Variants in NCAM2 observed in about 807,000 individuals in gnomAD.
NCAM2 encodes the protein N-CAM-2.
A neutral mutation model predicts 98.1 loss-of-function variants in NCAM2; 30 were observed. The ratio of observed to expected loss-of-function variants is 0.31; its 90% CI spans 0.23 to 0.41. The LOEUF is 0.41. NCAM2 is among the 10% of genes least tolerant of loss of function. NCAM2 has a pLI of 1.00. For missense variants in NCAM2, 867 were observed against 1,005.8 expected, an observed-to-expected ratio of 0.86 and a Z score of 1.87; for synonymous variants, 368 against 342.4, an observed-to-expected ratio of 1.07 and a Z score of -0.83.
At chr21:21,119,709 A>G (rs71321780) in intron 1 of NCAM2, among the ~76,000 whole-genome samples, 13,640 of 152,188 alleles carry the variant, frequency 0.09, 724 homozygotes, top group Middle Eastern at 0.13. Context: ...TGATAATATT[A>G]TCTAGGAACA....
chr21:21,217,544 G>C (rs73316725), intron 1 of NCAM2, among the ~76,000 whole-genome samples: 4,998 of 152,220 alleles, frequency 0.033, 289 homozygotes, highest in African/African-American at 0.11. Flanking sequence ...GGAGAATTCT[G>C]AAAGTGGTTT....
chr21:21,466,370 T>A (rs1450418539), intron 12 of NCAM2, among the ~76,000 whole-genome samples: 1 of 151,980 alleles, frequency 6.6e-6, no homozygotes. Flanking sequence ...AACGGGTAAT[T>A]TTCTTTGAAA....
intron 1 of NCAM2, among the ~76,000 whole-genome samples, chr21:21,229,241 A>G (rs905841719): frequency 2.0e-5 from 3 of 151,576 alleles, no homozygotes; most frequent in African/African-American, 7.2e-5. Flanking sequence ...TCACTTTAAT[A>G]TCTTAATAAC....
intron 6 of NCAM2, among the ~76,000 whole-genome samples, chr21:21,327,874 C>G (rs193082574): frequency 4.9e-4 from 74 of 152,172 alleles, no homozygotes; most frequent in African/African-American, 1.7e-3. Flanking sequence ...AACATGTTCA[C>G]AAAGAGAATC....
At chr21:21,284,445 C>CT in intron 3 of NCAM2, 45 bp downstream of exon 3, 1 of 1,436,918 alleles carries the variant, frequency 7.0e-7, no homozygotes, top group Non-Finnish European at 9.7e-7. Context: ...ATTTCAGTTG[C>CT]TTATAAATAA....
intron 16 of NCAM2, among the ~76,000 whole-genome samples, chr21:21,533,569 A>G (rs1989824805): frequency 6.6e-6 from 1 of 151,852 alleles, no homozygotes; most frequent in East Asian, 1.9e-4. Flanking sequence ...ATTTTTGGCA[A>G]TTTATAAATA....
At chr21:21,450,004 G>C (rs1203570671) in intron 12 of NCAM2, among the ~76,000 whole-genome samples, 2 of 151,900 alleles carry the variant, frequency 1.3e-5, no homozygotes, top group Admixed American at 6.6e-5. Context: ...CTAATGTACT[G>C]TTTTGATTTT....
rs1000567310 is a variant in NCAM2, at chr21:21,280,768, G to A, written c.130+116G>A. The A allele has an allele frequency of 1.2e-5, 8 of 666,774 alleles. No homozygotes were observed. In the Admixed American group the frequency reaches 1.9e-4, roughly 16 times the overall value. 41.3% of individuals were successfully genotyped at this position (666,774 alleles called of 1,614,324 possible). A position where few individuals can be genotyped will look rare whatever the true frequency, so the allele number is the denominator to read the frequency against. ...AGTTCTCTAACAATAACATCTTACAGTTGGTTTTTTGTTTTTGTTTTTGTT... is the reference window on the plus strand; with the variant it reads ...AGTTCTCTAACAATAACATCTTACAATTGGTTTTTTGTTTTTGTTTTTGTT... On this transcript the variant is annotated intron_variant, in intron 2 of 17. Coordinates refer to ENST00000400546, the MANE Select transcript of NCAM2 (RefSeq NM_004540.5).
chr21:21,426,516 A>C (rs2077217180), intron 11 of NCAM2, among the ~76,000 whole-genome samples: 1 of 152,192 alleles, frequency 6.6e-6, no homozygotes, highest in African/African-American at 2.4e-5. Flanking sequence ...ACAGCCACCA[A>C]TATTCTACCT....
At position 21,022,749 on chromosome 21, in the gene NCAM2, T is replaced by C. The variant is rs141001721; in HGVS notation, c.55+24131T>C. Among the ~76,000 whole-genome samples, 11 of 152,292 alleles carry C rather than the reference T, an allele frequency of 7.2e-5. No individual in the cohort carries two copies. The East Asian group carries it at 2.1e-3, about 29-fold the overall frequency. On this transcript the variant is annotated intron_variant, in intron 1 of 17. Transcript: ENST00000400546. ...AATGAGTTTTTTTAATGTTTCACTT[T>C]GATGAAATGAATGTTAAAACTTTAT...
chr21:21,369,373 C>G (rs145177995), intron 8 of NCAM2, among the ~76,000 whole-genome samples: 121 of 151,776 alleles, frequency 8.0e-4, no homozygotes, highest in African/African-American at 2.7e-3. Context: ...AATCCATGCA[C>G]CAGTAAATAG....
chr21:21,436,975 A>G (rs1462288261), intron 12 of NCAM2, among the ~76,000 whole-genome samples: 1 of 151,418 alleles, frequency 6.6e-6, no homozygotes, highest in Non-Finnish European at 1.5e-5. Flanking sequence ...TGGTTTTGCC[A>G]TGTTACCCAG....
chr21:21,290,866 G>T, intron 4 of NCAM2, among the ~76,000 whole-genome samples: 1 of 151,834 alleles, frequency 6.6e-6, no homozygotes, highest in Non-Finnish European at 1.5e-5. Context: ...TACCCTAGCA[G>T]TTTATGGCTC....
intron 1 of NCAM2, among the ~76,000 whole-genome samples, chr21:21,235,643 T>C (rs887878391): frequency 6.6e-6 from 1 of 152,090 alleles, no homozygotes; most frequent in African/African-American, 2.4e-5. Flanking sequence ...TTGATTTATA[T>C]AGTGAACAGA....
intron 9 of NCAM2, among the ~76,000 whole-genome samples, chr21:21,408,907 A>G (rs2076796711): frequency 6.6e-6 from 1 of 151,294 alleles, no homozygotes; most frequent in Non-Finnish European, 1.5e-5. Flanking sequence ...CTGCATTTGT[A>G]CTACAGATAA....
intron 1 of NCAM2, among the ~76,000 whole-genome samples, chr21:21,268,925 G>T (rs745511988): frequency 2.4e-4 from 36 of 152,222 alleles, no homozygotes; most frequent in Non-Finnish European, 2.6e-4. Context: ...TCTAACTATG[G>T]ATCCTTCAGA....
intron 14 of NCAM2, among the ~76,000 whole-genome samples, chr21:21,473,311 T>TAA (rs1555903488): frequency 1.6e-4 from 23 of 147,080 alleles, no homozygotes; most frequent in Non-Finnish European, 3.1e-4. Flanking sequence ...TATATATATA[T>TAA]AAAAATATAT....
intron 12 of NCAM2, among the ~76,000 whole-genome samples, chr21:21,446,258 A>T (rs1434908723): frequency 6.6e-6 from 1 of 151,420 alleles, no homozygotes; most frequent in African/African-American, 2.4e-5. Flanking sequence ...TGGCCTTAAC[A>T]TTTTTTTTAA....
intron 1 of NCAM2, among the ~76,000 whole-genome samples, chr21:21,160,406 TAGTG>T (rs1442839138): frequency 2.0e-5 from 3 of 152,018 alleles, no homozygotes; most frequent in African/African-American, 7.2e-5. Context: ...ATTAGATTTC[TAGTG>T]AGTATTTGTG....
Sources: gnomAD v4.1 joint callset for allele counts (sites outside exome capture counted in the v4.1 genomes callset) on GRCh38, gnomAD v4.1.1 for gene constraint, MANE v1.5 for transcripts, NCBI Gene and HGNC (gene_info 2026-07-23, HGNC 2026-07-21) for gene names.